The following ANKRD24 variants were observed in gnomAD, a reference collection of about 807,000 sequenced individuals.
ANKRD24 encodes the protein ankyrin repeat domain-containing protein 24.
Under a neutral mutation model 127.8 loss-of-function variants are expected in ANKRD24, and 109 were observed. That is an observed-to-expected ratio of 0.85 (90% confidence interval 0.73 to 1.00). The LOEUF (loss-of-function observed/expected upper bound fraction) is 1.00. Among genes scored for constraint, ANKRD24 ranks in the 50% least tolerant of loss-of-function variants. The probability of loss-of-function intolerance (pLI) is 0.00; values close to 1 mark genes in which losing one functional copy is unlikely to be tolerated. For synonymous variants in ANKRD24, 743 were observed against 671.1 expected (o/e 1.11, Z -1.66); for missense variants, 1,648 against 1,570.2 (o/e 1.05, Z -0.84).
At chr19:4,202,730 T>G in intron 6 of ANKRD24, 139 bp from the exon 7 acceptor site, 1 of 869,004 alleles carries the variant, frequency 1.2e-6, no homozygotes, top group South Asian at 1.5e-5. Flanking sequence ...CTCACCAATT[T>G]TCATGAAAAT....
chr19:4,198,204 C>T lies in ANKRD24; in HGVS notation c.37-1479C>T, dbSNP rs1173441426. 5.2e-6 allele frequency: 3 copies of T among 574,294 alleles called. No individual in the cohort carries two copies. The highest frequency in any genetic ancestry group is 9.2e-6 in the Non-Finnish European group (3 of 324,512). 35.6% of individuals were successfully genotyped at this position (574,294 alleles called of 1,614,324 possible). A position where few individuals can be genotyped will look rare whatever the true frequency, so the allele number is the denominator to read the frequency against. The stretch of plus-strand genomic sequence containing the variant: ...CCGGCGCCGCGTCCTCCTCATCCTC[C>T]AGGCGACAAGGTCAGGAGGGGCCGG... On this transcript the variant is annotated intron_variant, in intron 2 of 21. Coordinates refer to ENST00000318934, the MANE Select transcript of ANKRD24 (RefSeq NM_001393985.1). This position sits in a 1 kb window ranked among gnomAD's most constrained non-coding sequence, Gnocchi z 6.1.
chr19:4,218,493 G>T (rs4807549), intron 18 of ANKRD24, among the ~76,000 whole-genome samples: 109,112 of 151,208 alleles, frequency 0.72, 39,542 homozygotes, highest in East Asian at 0.79. Context: ...AGAGATGGGA[G>T]TTCACCGTGT....
chr19:4,212,495 G>T lies in ANKRD24; in HGVS notation c.1080G>T (p.Leu360=), dbSNP rs1302892818. 1.9e-6 allele frequency: 3 copies of T among 1,570,222 alleles called. No homozygotes were observed. In the South Asian group the frequency reaches 3.5e-5, roughly 18 times the overall value. ...GTCAGTCCCCGGAGGCCAGCTCCCT[G>T]CACATCCTGGAGAGACAGGTAGGTG... is the stretch of plus-strand genomic sequence containing the variant. ...RQQESPEASS[L]HILERQVQEL... is the part of the protein sequence containing the mutation. Residue 360 remains leucine, a synonymous_variant, in exon 14 of 22, where the codon CTG becomes CTT. Transcript: ENST00000318934.
rs780497315 is a variant in ANKRD24 at position 4,202,863 on chromosome 19, C to G, written c.409-6C>G. The G allele has an allele frequency of 6.3e-7, 1 of 1,586,798 alleles. No individual in the cohort carries two copies. Among genetic ancestry groups the G allele is most frequent in the Admixed American group, 1.8e-5 (1 of 56,820 alleles). ...CTCCGCCTCAAAGGACTCGCCCCAT[C>G]CCCAGGCTTCCTGCGTGGTGGACGT... On this transcript the variant is annotated splice_region_variant and splice_polypyrimidine_tract_variant and intron_variant, in intron 6 of 21. Coordinates refer to ENST00000318934, the MANE Select transcript of ANKRD24 (RefSeq NM_001393985.1).
chr19:4,190,891 G>A (rs951201492), intron 2 of ANKRD24, among the ~76,000 whole-genome samples: 14 of 152,212 alleles, frequency 9.2e-5, no homozygotes, highest in Non-Finnish European at 1.9e-4. Context: ...AATTTCCAAA[G>A]CATAGTTATA....
At position 4,217,897 on chromosome 19, in the gene ANKRD24, G is replaced by A. The variant is rs1360153919; in HGVS notation, c.2737G>A (p.Val913Met). The change falls in exon 18 of 22, where the codon GTG (valine) becomes ATG (methionine). Residue 913 changes from valine to methionine, a missense_variant. Val to Met is a conservative substitution (Grantham distance 21). Coordinates refer to ENST00000318934, the MANE Select transcript of ANKRD24 (RefSeq NM_001393985.1). ...REASEALRQS[V>M]VPASEHRRLQ... Reference sequence around the variant, plus strand: ...GGCCTCCGAGGCCCTCCGCCAGTCCGTGGTGCCGGCCTCTGAGCACCGCCG... The same window carrying A: ...GGCCTCCGAGGCCCTCCGCCAGTCCATGGTGCCGGCCTCTGAGCACCGCCG... 2 of 1,477,156 alleles carry A rather than the reference G, an allele frequency of 1.4e-6. No homozygotes were observed. Among genetic ancestry groups the A allele is most frequent in the Admixed American group, 2.3e-5 (1 of 42,852 alleles). The allele number at this position is 1,477,156 out of a possible 1,614,324, so 91.5% of individuals were successfully genotyped here. A position where few individuals can be genotyped will look rare whatever the true frequency, so the allele number is the denominator to read the frequency against.
chr19:4,201,984 T>C (rs1339586084), intron 5 of ANKRD24, 42 bp from the exon 6 acceptor site: 2 of 1,582,816 alleles, frequency 1.3e-6, no homozygotes, highest in African/African-American at 2.7e-5. Context: ...TGGGAGCTAC[T>C]TGAATAGCTG....
chr19:4,215,492 C>T (rs1227979757), intron 15 of ANKRD24, among the ~76,000 whole-genome samples: 3 of 146,190 alleles, frequency 2.1e-5, no homozygotes, highest in African/African-American at 7.7e-5. Context: ...TAGGGCCAGG[C>T]ACAGTGGCTC....
chr19:4,218,276 T>A, intron 18 of ANKRD24, 113 bp downstream of exon 18: 1 of 761,316 alleles, frequency 1.3e-6, no homozygotes, highest in Non-Finnish European at 1.8e-6. Flanking sequence ...TGAACAGACC[T>A]ACTTTATTTT....
intron 1 of ANKRD24, chr19:4,183,249 G>A: frequency 1.0e-6 from 1 of 952,814 alleles, no homozygotes; most frequent in Non-Finnish European, 1.2e-6. Flanking sequence ...CAAAGTGCTG[G>A]GATTACAGGC....
rs775698019 is a variant in ANKRD24, at chr19:4,218,026, C to G, written c.2866C>G (p.Arg956Gly). The G allele has an allele frequency of 1.9e-6, 3 of 1,556,752 alleles. No individual in the cohort carries two copies. Among genetic ancestry groups the G allele is most frequent in the Non-Finnish European group, 1.7e-6 (2 of 1,157,346 alleles). The change falls in exon 18 of 22, where the codon CGG (arginine) becomes GGG (glycine). Residue 956 changes from arginine to glycine, a missense_variant. By Grantham distance (125) the Arg-to-Gly change is moderately radical. Transcript: ENST00000318934. Reference sequence around the variant, plus strand: ...CGCCCGGCTGCGCGCGGAGCTGGAGCGGGAGCGTGTGTGCAGCGTGGCGCT... The same window carrying G: ...CGCCCGGCTGCGCGCGGAGCTGGAGGGGGAGCGTGTGTGCAGCGTGGCGCT... ...EAARLRAELE[R>G]ERVCSVALSE...
chr19:4,207,347 T>C, intron 8 of ANKRD24, 35 bp downstream of exon 8: 1 of 1,607,378 alleles, frequency 6.2e-7, no homozygotes, highest in South Asian at 1.1e-5. Flanking sequence ...GAAGATGTTA[T>C]GCTTGAGGTA....
intron 19 of ANKRD24, among the ~76,000 whole-genome samples, chr19:4,220,577 C>T (rs367699971): frequency 7.2e-5 from 11 of 152,088 alleles, no homozygotes; most frequent in African/African-American, 2.2e-4. Flanking sequence ...TTTTCTGAGG[C>T]AGAGTCTTGC....
chr19:4,214,190 A>G (rs1212800187), intron 15 of ANKRD24, among the ~76,000 whole-genome samples: 2 of 151,140 alleles, frequency 1.3e-5, no homozygotes, highest in Non-Finnish European at 3.0e-5. Context: ...TTTTTGAGAC[A>G]GGGTCTTGTT....
chr19:4,202,968 G>A (rs574474370), intron 7 of ANKRD24, 42 bp downstream of exon 7: 1 of 1,506,512 alleles, frequency 6.6e-7, no homozygotes, highest in Non-Finnish European at 8.9e-7. Flanking sequence ...AAGCCCAGAG[G>A]GTGCTAGACT....
intron 2 of ANKRD24, among the ~76,000 whole-genome samples, chr19:4,197,270 G>A (rs1316846189): frequency 6.6e-6 from 1 of 152,098 alleles, no homozygotes; most frequent in African/African-American, 2.4e-5. Context: ...ATGAATGAAT[G>A]AATGAACGAA....
At chr19:4,221,078 G>T (rs909677120) in intron 19 of ANKRD24, among the ~76,000 whole-genome samples, 10 of 151,190 alleles carry the variant, frequency 6.6e-5, no homozygotes, top group Non-Finnish European at 1.0e-4. Context: ...TAATTTTTTT[G>T]TTTCTTTCTT....
chr19:4,200,125 G>A lies in ANKRD24; in HGVS notation c.297G>A (p.Glu99=). The A allele has an allele frequency of 6.2e-7, 1 of 1,607,172 alleles. No homozygotes were observed. ...TGCGGGGTGCGGCCAGCTGTCTGGA[G>A]GTGATGATAGCTCATGGCAGCAATG... ...AAMRGAASCL[E]VMIAHGSNVM... The change falls in exon 5 of 22, where the codon GAG becomes GAA. Residue 99 remains glutamate (E), a synonymous_variant. Coordinates refer to ENST00000318934, the MANE Select transcript of ANKRD24 (RefSeq NM_001393985.1).
chr19:4,217,053 G>C lies in ANKRD24; in HGVS notation c.1893G>C (p.Glu631Asp), dbSNP rs1368208510. 6.2e-7 allele frequency: 1 copy of C among 1,613,882 alleles called. No homozygotes were observed. Among genetic ancestry groups the C allele is most frequent in the Admixed American group, 1.7e-5 (1 of 60,000 alleles). The change falls in exon 18 of 22, where the codon GAG (glutamate) becomes GAC (aspartate). Residue 631 changes from glutamate (E) to aspartate (D), a missense_variant. Coordinates refer to ENST00000318934, the MANE Select transcript of ANKRD24 (RefSeq NM_001393985.1). ...CAGGAGCTCAGGCCACAGACACAGA[G>C]ACCACGGGAGTGGAGGCCATGGGGG... ...KPTGAQATDT[E>D]TTGVEAMGVE...
Sources: allele counts gnomAD v4.1 joint callset (sites outside exome capture counted in the v4.1 genomes callset), GRCh38; gene constraint gnomAD v4.1.1; non-coding constraint Gnocchi (gnomAD v3.1); transcripts MANE v1.5; gene names NCBI Gene and HGNC (gene_info 2026-07-23, HGNC 2026-07-21).